Variants in TCP11L1 observed in about 807,000 individuals in gnomAD.
TCP11L1 encodes T-complex protein 11-like protein 1.
Under a neutral mutation model 48.9 loss-of-function variants are expected in TCP11L1, and 28 were observed. The ratio of observed to expected loss-of-function variants is 0.57; its 90% confidence interval spans 0.42 to 0.78. TCP11L1 has a LOEUF of 0.78. Ranked by LOEUF, TCP11L1 falls within the 30% of genes least tolerant of loss-of-function variation. TCP11L1 has a pLI of 0.00. For synonymous variants in TCP11L1, 204 were observed against 231.9 expected (o/e 0.88, Z 1.09); for missense variants, 505 against 613.4 (o/e 0.82, Z 1.87).
intron 7 of TCP11L1, 144 bp downstream of exon 7, chr11:33,061,870 C>G: frequency 1.2e-6 from 1 of 822,256 alleles, no homozygotes; most frequent in Admixed American, 3.6e-5. Flanking sequence ...TGCTTGAGGT[C>G]AGGAGTTCAA....
intron 6 of TCP11L1, among the ~76,000 whole-genome samples, chr11:33,060,611 C>T (rs554710607): frequency 1.3e-4 from 20 of 152,284 alleles, no homozygotes; most frequent in Admixed American, 1.3e-3. Flanking sequence ...CTCTGTATCC[C>T]TCAGAGTGCC....
At position 33,069,194 on chromosome 11, in the gene TCP11L1, T is replaced by C. The variant is rs981741518; in HGVS notation, c.1327+335T>C. On this transcript the variant is annotated intron_variant, in intron 9 of 9. Transcript: ENST00000334274. ...TTACAAGGTCGCTGCAGGAACTCCC[T>C]GGGATGAGAAGGTGAAGCGCTTTCC... 2.6e-5 allele frequency among the ~76,000 whole-genome samples: 4 copies of C among 152,184 alleles called. No individual in the cohort carries two copies. The East Asian group carries it at 7.7e-4, about 29-fold the overall frequency.
chr11:33,069,347 A>G (rs1854710169), intron 9 of TCP11L1, among the ~76,000 whole-genome samples: 1 of 151,794 alleles, frequency 6.6e-6, no homozygotes, highest in African/African-American at 2.4e-5. Context: ...ATGTAATACT[A>G]TTAACATATC....
Position 33,057,967 on chromosome 11 carries a change from A to G in TCP11L1, c.466A>G (p.Ile156Val), listed in dbSNP as rs750412653. The change falls in exon 5 of 10, where the codon ATA becomes GTA. Residue 156 changes from isoleucine (I) to valine (V), a missense_variant. Transcript: ENST00000334274. ...LPGHTRLRNQITEVLDLDLIK... is the reference protein window; with the variant it reads ...LPGHTRLRNQVTEVLDLDLIK... ...TGGTCATACTAGACTGAGAAACCAG[A>G]TAACAGAAGTCTTGGATCTGGATCT... The G allele has an allele frequency of 5.0e-6, 8 of 1,614,074 alleles. No individual in the cohort carries two copies. The highest frequency in any genetic ancestry group is 6.8e-6 in the Non-Finnish European group (8 of 1,180,036).
intron 6 of TCP11L1, among the ~76,000 whole-genome samples, chr11:33,061,316 A>G (rs578008607): frequency 6.6e-5 from 10 of 152,292 alleles, no homozygotes; most frequent in Middle Eastern, 3.4e-3. Context: ...AAATTTGCCT[A>G]TATCAGGCAT....
At chr11:33,068,613 C>T in intron 8 of TCP11L1, 74 bp from the exon 9 acceptor site, 4 of 1,535,420 alleles carry the variant, frequency 2.6e-6, no homozygotes, top group Non-Finnish European at 3.5e-6. Flanking sequence ...GTCATTCTCA[C>T]CCGGGTGTGG....
At position 33,057,968 on chromosome 11, in the gene TCP11L1, T is replaced by A. The variant is rs1854357540; in HGVS notation, c.467T>A (p.Ile156Lys). ...GGTCATACTAGACTGAGAAACCAGA[T>A]AACAGAAGTCTTGGATCTGGATCTG... ...LPGHTRLRNQ[I>K]TEVLDLDLIK... Residue 156 changes from isoleucine to lysine, a missense_variant, in exon 5 of 10, where the codon ATA becomes AAA. Transcript: ENST00000334274. The A allele has an allele frequency of 6.2e-7, 1 of 1,614,152 alleles. No homozygotes were observed. The highest frequency in any genetic ancestry group is 8.5e-7 in the Non-Finnish European group (1 of 1,180,024).
intron 2 of TCP11L1, among the ~76,000 whole-genome samples, chr11:33,047,188 A>AG (rs1225995858): frequency 6.7e-6 from 1 of 150,064 alleles, no homozygotes; most frequent in East Asian, 2.0e-4. Context: ...ACTCCAGCCT[A>AG]GGGGACAAGA....
chr11:33,040,147 G>A (rs1224207532), intron 1 of TCP11L1: 1 of 152,282 alleles, frequency 6.6e-6, no homozygotes, highest in Admixed American at 6.5e-5. Flanking sequence ...CTGCTGGGGA[G>A]CCTCTTGTGT....
chr11:33,069,889 C>T (rs1328148662), intron 9 of TCP11L1, among the ~76,000 whole-genome samples: 3 of 152,032 alleles, frequency 2.0e-5, no homozygotes, highest in East Asian at 1.9e-4. Context: ...TTAACAGGCA[C>T]GAACCACTGC....
At chr11:33,045,703 G>A (rs929646703) in intron 2 of TCP11L1, among the ~76,000 whole-genome samples, 1 of 152,118 alleles carries the variant, frequency 6.6e-6, no homozygotes, top group Non-Finnish European at 1.5e-5. Flanking sequence ...TGGAGGTGAC[G>A]AAGTCCAGTG....
chr11:33,052,249 A>G (rs559484694), intron 2 of TCP11L1, among the ~76,000 whole-genome samples: 1 of 152,180 alleles, frequency 6.6e-6, no homozygotes, highest in Non-Finnish European at 1.5e-5. Context: ...GTTAAAAAAA[A>G]TTTTTTTAAT....
intron 2 of TCP11L1, among the ~76,000 whole-genome samples, chr11:33,044,350 G>T (rs184594808): frequency 2.6e-5 from 4 of 152,160 alleles, no homozygotes; most frequent in Non-Finnish European, 1.5e-5. Context: ...CTGCCTGGGG[G>T]CTTAGTTCCC....
At chr11:33,045,324 G>A (rs1007470427) in intron 2 of TCP11L1, among the ~76,000 whole-genome samples, 7 of 149,368 alleles carry the variant, frequency 4.7e-5, no homozygotes, top group East Asian at 4.0e-4. Flanking sequence ...CTGCACTCCC[G>A]TCTGGGTGAC....
intron 7 of TCP11L1, among the ~76,000 whole-genome samples, chr11:33,063,095 C>T (rs1804879283): frequency 2.0e-5 from 3 of 152,158 alleles, no homozygotes; most frequent in Admixed American, 2.0e-4. Context: ...AAACTCCTGG[C>T]CTCAAGTGGT....
At chr11:33,041,207 C>T (rs1038292448) in intron 1 of TCP11L1, 2 of 152,238 alleles carry the variant, frequency 1.3e-5, no homozygotes, top group East Asian at 1.9e-4. Context: ...TCCTCCCTTT[C>T]CTCCTCACTG....
Position 33,072,475 on chromosome 11 carries a change from A to G in TCP11L1, c.1329A>G (p.Glu443=), listed in dbSNP as rs201705211. The G allele has an allele frequency of 3.4e-5, 55 of 1,614,088 alleles. No homozygotes were observed. In the African/African-American group the frequency reaches 5.3e-4, roughly 16 times the overall value. ...SPDDPIRRIM[E]SRILTFLETY... is the part of the protein sequence containing the mutation. ...TGACCACTTTCTTTTTTGTCACAGAATCTCGAATCCTGACCTTCTTAGAAA... is the reference window on the plus strand; with the variant it reads ...TGACCACTTTCTTTTTTGTCACAGAGTCTCGAATCCTGACCTTCTTAGAAA... Residue 443 remains glutamate, a splice_region_variant and synonymous_variant, in exon 10 of 10, where the codon GAA becomes GAG. Transcript: ENST00000334274.
Position 33,073,324 on chromosome 11 carries a change from C to T in TCP11L1, c.*648C>T, listed in dbSNP as rs575753059. The T allele has an allele frequency of 1.3e-5, 2 of 151,852 alleles. No individual in the cohort carries two copies. 9.4% of individuals were successfully genotyped at this position (151,852 alleles called of 1,614,324 possible). A position where few individuals can be genotyped will look rare whatever the true frequency, so the allele number is the denominator to read the frequency against. ...TTCCCCCAAAGATACAGTTATTGGA[C>T]TTTAAAAAGCTTGTTCTTTTATACA... On this transcript the variant is annotated 3_prime_UTR_variant, in exon 10 of 10. Transcript: ENST00000334274.
intron 2 of TCP11L1, among the ~76,000 whole-genome samples, chr11:33,046,348 A>C (rs1486210508): frequency 6.6e-6 from 1 of 152,274 alleles, no homozygotes; most frequent in African/African-American, 2.4e-5. Flanking sequence ...CGCCTTTGGC[A>C]TCTTGTCAGC....
Sources: gnomAD v4.1 joint callset for allele counts (sites outside exome capture counted in the v4.1 genomes callset) on GRCh38, gnomAD v4.1.1 for gene constraint, MANE v1.5 for transcripts, NCBI Gene and HGNC (gene_info 2026-07-23, HGNC 2026-07-21) for gene names.